Variants in RBFOX1 observed in about 807,000 individuals in gnomAD.
The protein encoded by RBFOX1 is RNA binding protein fox-1 homolog 1.
RBFOX1 carries 8 observed loss-of-function variants against 57.7 expected under a neutral mutation model. The ratio of observed to expected loss-of-function variants is 0.14; its 90% CI spans 0.08 to 0.25. The LOEUF (loss-of-function observed/expected upper bound fraction) is 0.25. Among genes scored for constraint, RBFOX1 ranks in the 10% least tolerant of loss-of-function variants. The pLI is 1.00. For missense variants in RBFOX1, 611 were observed against 548.5 expected (o/e 1.11, Z -1.14); for synonymous variants, 326 against 222.4 (o/e 1.47, Z -4.15).
intron 4 of RBFOX1, among the ~76,000 whole-genome samples, chr16:7,449,987 G>T (rs1043282333): frequency 6.6e-6 from 1 of 152,064 alleles, no homozygotes; most frequent in East Asian, 1.9e-4. Flanking sequence ...GGAGGGAGAA[G>T]GGCACTCCGG....
At chr16:5,636,439 A>C (rs974221748) in intron 3 of RBFOX1, among the ~76,000 whole-genome samples, 1 of 152,184 alleles carries the variant, frequency 6.6e-6, no homozygotes, top group Non-Finnish European at 1.5e-5. Context: ...ATCAGAAATA[A>C]TGCTGGCCAA....
rs553534198 is a variant in RBFOX1 at position 6,742,989 on chromosome 16, C to G, written c.-16+88339C>G. On this transcript the variant is annotated intron_variant, in intron 3 of 15. Coordinates refer to ENST00000550418, the MANE Select transcript of RBFOX1 (RefSeq NM_018723.4). ...TTATCAATGTCAATATCATATAGTA[C>G]AATATGATATTATAGTTGCATAAGA... is the stretch of plus-strand genomic sequence containing the variant. Among the ~76,000 whole-genome samples, 14 of 152,150 alleles carry G rather than the reference C, an allele frequency of 9.2e-5. No individual in the cohort carries two copies. In the East Asian group the frequency reaches 1.9e-3, roughly 21 times the overall value.
intron 2 of RBFOX1, among the ~76,000 whole-genome samples, chr16:6,649,039 A>G (rs1052191016): frequency 1.3e-5 from 2 of 152,150 alleles, no homozygotes; most frequent in Admixed American, 1.3e-4. Context: ...ATGTTGTATA[A>G]TATTTTAACT....
intron 3 of RBFOX1, among the ~76,000 whole-genome samples, chr16:5,851,004 C>T (rs2056884240): frequency 6.6e-6 from 1 of 152,202 alleles, no homozygotes; most frequent in Non-Finnish European, 1.5e-5. Flanking sequence ...GCTGTGGCCA[C>T]CTGGAAACTT....
intron 1 of RBFOX1, among the ~76,000 whole-genome samples, chr16:6,138,889 G>T (rs2096689683): frequency 6.6e-6 from 1 of 152,016 alleles, no homozygotes; most frequent in Non-Finnish European, 1.5e-5. Context: ...ACGTAAAAGA[G>T]CAGCATCCAA....
At chr16:6,073,729 C>T (rs763814139) in intron 1 of RBFOX1, among the ~76,000 whole-genome samples, 1 of 152,046 alleles carries the variant, frequency 6.6e-6, no homozygotes, top group Non-Finnish European at 1.5e-5. Context: ...ATTAGTTGTT[C>T]CTCCCAACTA....
At chr16:6,555,989 C>A (rs777779432) in intron 2 of RBFOX1, among the ~76,000 whole-genome samples, 3 of 152,038 alleles carry the variant, frequency 2.0e-5, no homozygotes, top group African/African-American at 4.8e-5. Context: ...TTATTGGAAC[C>A]GACTACATTT....
chr16:5,603,583 C>T (rs752706027), downstream of RBFOX1, among the ~76,000 whole-genome samples: 109 of 152,302 alleles, frequency 7.2e-4, no homozygotes, highest in Admixed American at 5.9e-3. Flanking sequence ...TTGTGCAAGT[C>T]CTGTTGGAGA....
At chr16:7,285,997 C>T (rs1434208729) in intron 4 of RBFOX1, among the ~76,000 whole-genome samples, 1 of 152,114 alleles carries the variant, frequency 6.6e-6, no homozygotes, top group African/African-American at 2.4e-5. Flanking sequence ...GGTAAGTAGA[C>T]TGAGTTTTGT....
intron 1 of RBFOX1, among the ~76,000 whole-genome samples, chr16:6,273,663 G>A (rs1423191831): frequency 1.3e-5 from 2 of 151,870 alleles, no homozygotes; most frequent in Non-Finnish European, 2.9e-5. Flanking sequence ...CTTAGAATTA[G>A]CACCAAAAGC....
chr16:6,462,513 T>C (rs2094943329), intron 2 of RBFOX1, among the ~76,000 whole-genome samples: 1 of 152,232 alleles, frequency 6.6e-6, no homozygotes, highest in South Asian at 2.1e-4. Flanking sequence ...TGATGTTCTT[T>C]AGATTAATTC....
intron 4 of RBFOX1, among the ~76,000 whole-genome samples, chr16:6,007,149 C>T (rs925737739): frequency 3.3e-5 from 5 of 152,220 alleles, no homozygotes; most frequent in African/African-American, 1.2e-4. Context: ...CTCCTGGTAT[C>T]TGCAGTCTGT....
chr16:5,682,984 T>A (rs2050390173), intron 3 of RBFOX1, among the ~76,000 whole-genome samples: 1 of 152,228 alleles, frequency 6.6e-6, no homozygotes, highest in Admixed American at 6.5e-5. Flanking sequence ...GACAATTCTT[T>A]AACCTCTCTG....
chr16:5,872,853 G>A (rs1377715912), intron 4 of RBFOX1, among the ~76,000 whole-genome samples: 1 of 152,116 alleles, frequency 6.6e-6, no homozygotes, highest in East Asian at 1.9e-4. Flanking sequence ...ACTTACATTT[G>A]TATTAAGTAA....
At chr16:7,517,571 C>T (rs1009575644) in intron 4 of RBFOX1, among the ~76,000 whole-genome samples, 7 of 126,574 alleles carry the variant, frequency 5.5e-5, no homozygotes, top group African/African-American at 1.2e-4. Flanking sequence ...CACACACACA[C>T]ACAACATAAC....
chr16:7,328,713 C>G (rs979076689), intron 4 of RBFOX1: 4 of 150,848 alleles, frequency 2.7e-5, no homozygotes, highest in African/African-American at 4.9e-5. Flanking sequence ...ATGGAAATCT[C>G]TGGCACAGGG....
intron 2 of RBFOX1, among the ~76,000 whole-genome samples, chr16:6,617,969 A>G (rs776744700): frequency 3.3e-5 from 5 of 152,134 alleles, no homozygotes; most frequent in Non-Finnish European, 5.9e-5. Context: ...GTGTCTTGCA[A>G]GTGCTTTCAG....
At chr16:6,726,644 G>A (rs562750319) in intron 3 of RBFOX1, among the ~76,000 whole-genome samples, 13 of 152,168 alleles carry the variant, frequency 8.5e-5, no homozygotes, top group Non-Finnish European at 1.9e-4. Flanking sequence ...TCAAACAGGT[G>A]TGCATGCCCA....
intron 3 of RBFOX1, among the ~76,000 whole-genome samples, chr16:6,996,115 A>G (rs951055915): frequency 3.6e-4 from 55 of 152,210 alleles, no homozygotes; most frequent in African/African-American, 1.3e-3. Flanking sequence ...TTTCATGTCA[A>G]GAACATTTTA....
Sources: allele counts gnomAD v4.1 joint callset (sites outside exome capture counted in the v4.1 genomes callset), GRCh38; gene constraint gnomAD v4.1.1; transcripts MANE v1.5; gene names NCBI Gene and HGNC (gene_info 2026-07-23, HGNC 2026-07-21).